The following MAGI2 variants were observed in gnomAD, a reference collection of about 807,000 sequenced individuals.
MAGI2 encodes membrane associated guanylate kinase, WW and PDZ domain containing 2, also known as membrane-associated guanylate kinase, WW and PDZ domain-containing protein 2.
MAGI2 carries 35 observed loss-of-function variants against 133.3 expected under a neutral mutation model. The ratio of observed to expected loss-of-function variants is 0.26; its 90% CI spans 0.20 to 0.35. The LOEUF is 0.35. Among genes scored for constraint, MAGI2 ranks in the 10% least tolerant of loss-of-function variants. The probability of loss-of-function intolerance (pLI) is 1.00; values close to 1 mark genes in which losing one functional copy is unlikely to be tolerated. For synonymous variants in MAGI2, 729 were observed against 710.6 expected, an observed-to-expected ratio of 1.03 and a Z score of -0.41; for missense variants, 1,636 against 1,863.4, an observed-to-expected ratio of 0.88 and a Z score of 2.25.
intron 2 of MAGI2, among the ~76,000 whole-genome samples, chr7:78,835,538 A>G (rs1439685932): frequency 2.0e-5 from 3 of 152,186 alleles, no homozygotes; most frequent in African/African-American, 4.8e-5. Context: ...TGAATCTCCT[A>G]TCTGTGAGAA....
At chr7:78,615,683 T>C (rs1176060032) in intron 3 of MAGI2, 1 of 152,230 alleles carries the variant, frequency 6.6e-6, no homozygotes, top group Admixed American at 6.5e-5. Flanking sequence ...AGAAAACTCA[T>C]TGGAAAATTT....
chr7:78,149,865 A>G (rs1468923175), intron 16 of MAGI2, among the ~76,000 whole-genome samples: 2 of 152,212 alleles, frequency 1.3e-5, no homozygotes, highest in Non-Finnish European at 2.9e-5. Flanking sequence ...TGCCTGGCTT[A>G]GAGAAACAAG....
chr7:78,812,040 G>T (rs1006353167), intron 2 of MAGI2, among the ~76,000 whole-genome samples: 25 of 152,252 alleles, frequency 1.6e-4, no homozygotes, highest in African/African-American at 5.5e-4. Flanking sequence ...ATGTAACCTT[G>T]CTGGGTTTGA....
intron 7 of MAGI2, among the ~76,000 whole-genome samples, chr7:78,355,592 G>C (rs1205980887): frequency 6.6e-6 from 1 of 152,196 alleles, no homozygotes; most frequent in Non-Finnish European, 1.5e-5. Context: ...AGCGGCAGAT[G>C]CACAAACAAA....
intron 7 of MAGI2, among the ~76,000 whole-genome samples, chr7:78,361,252 G>A (rs1008210407): frequency 6.6e-6 from 1 of 152,032 alleles, no homozygotes; most frequent in Non-Finnish European, 1.5e-5. Flanking sequence ...AAATTAGCCG[G>A]GTGTGGTGGC....
At chr7:79,008,017 A>T (rs773212909) in intron 1 of MAGI2, among the ~76,000 whole-genome samples, 11 of 152,068 alleles carry the variant, frequency 7.2e-5, no homozygotes, top group Non-Finnish European at 1.5e-4. Flanking sequence ...TACTTATTTG[A>T]TATTTAAAGA....
chr7:78,344,556 T>A (rs1053681103), intron 8 of MAGI2, among the ~76,000 whole-genome samples: 6 of 152,188 alleles, frequency 3.9e-5, no homozygotes, highest in Admixed American at 3.9e-4. Context: ...AAAGAGTACC[T>A]GTATGTGGAA....
intron 1 of MAGI2, among the ~76,000 whole-genome samples, chr7:79,053,117 C>T (rs778438701): frequency 3.9e-5 from 6 of 151,990 alleles, no homozygotes; most frequent in South Asian, 2.1e-4. Flanking sequence ...GGACTACAGA[C>T]GCCCACCACC....
chr7:78,030,156 G>A (rs537955931), intron 21 of MAGI2, among the ~76,000 whole-genome samples: 15 of 152,196 alleles, frequency 9.9e-5, no homozygotes, highest in Non-Finnish European at 7.4e-5. Context: ...CTGTAAAATG[G>A]AACAATACCT....
At chr7:78,251,198 AT>A (rs1248047308) in intron 10 of MAGI2, among the ~76,000 whole-genome samples, 1 of 152,204 alleles carries the variant, frequency 6.6e-6, no homozygotes, top group Non-Finnish European at 1.5e-5. Context: ...GATTATTTAA[AT>A]TTCCAGCAAA....
intron 2 of MAGI2, among the ~76,000 whole-genome samples, chr7:78,755,674 A>G (rs573728599): frequency 1.8e-4 from 28 of 152,334 alleles, no homozygotes; most frequent in Admixed American, 9.8e-4. Flanking sequence ...AGTTGATGGT[A>G]TGGTTGGTGG....
At chr7:78,147,053 C>T (rs985495749) in intron 16 of MAGI2, among the ~76,000 whole-genome samples, 1 of 152,162 alleles carries the variant, frequency 6.6e-6, no homozygotes, top group Non-Finnish European at 1.5e-5. Flanking sequence ...GCCAGCTGTC[C>T]TTTTCAATAT....
At chr7:79,344,136 G>T (rs7787005) in intron 1 of MAGI2, among the ~76,000 whole-genome samples, 4,844 of 151,674 alleles carry the variant, frequency 0.032, 252 homozygotes, top group African/African-American at 0.11. Flanking sequence ...CAAACTCTGT[G>T]AACTAGAGAT....
intron 15 of MAGI2, 68 bp from the exon 16 acceptor site, chr7:78,160,341 C>A (rs1824853259): frequency 6.8e-7 from 1 of 1,478,930 alleles, no homozygotes; most frequent in African/African-American, 1.4e-5. Context: ...TTCCTATGTA[C>A]TAGGCACTGT....
At chr7:78,281,768 A>G (rs760648534) in intron 9 of MAGI2, among the ~76,000 whole-genome samples, 2 of 147,196 alleles carry the variant, frequency 1.4e-5, no homozygotes, top group Non-Finnish European at 3.0e-5. Context: ...TATTTAACCA[A>G]CTTATCTCCA....
intron 3 of MAGI2, among the ~76,000 whole-genome samples, chr7:78,576,912 A>G (rs1380022013): frequency 6.6e-6 from 1 of 152,170 alleles, no homozygotes; most frequent in Non-Finnish European, 1.5e-5. Context: ...CAGTCTGGCC[A>G]ATATAGTTAA....
chr7:79,349,170 A>T (rs1585663927), intron 1 of MAGI2, among the ~76,000 whole-genome samples: 1 of 151,970 alleles, frequency 6.6e-6, no homozygotes, highest in African/African-American at 2.4e-5. Context: ...ATCAATATCC[A>T]TAAAAATTTA....
At chr7:78,963,992 G>T (rs935381585) in intron 2 of MAGI2, among the ~76,000 whole-genome samples, 3 of 152,040 alleles carry the variant, frequency 2.0e-5, no homozygotes, top group South Asian at 2.1e-4. Context: ...GGAGGGGAAT[G>T]AGGGAGGAGG....
chr7:78,832,100 A>G (rs1002173305), intron 2 of MAGI2, among the ~76,000 whole-genome samples: 1 of 152,076 alleles, frequency 6.6e-6, no homozygotes, highest in African/African-American at 2.4e-5. Flanking sequence ...TTTTAAATAA[A>G]ATATATCTGA....
Sources: allele counts gnomAD v4.1 joint callset (sites outside exome capture counted in the v4.1 genomes callset), GRCh38; gene constraint gnomAD v4.1.1; transcripts MANE v1.5; gene names NCBI Gene and HGNC (gene_info 2026-07-23, HGNC 2026-07-21).